Variants in EXT1 observed in about 807,000 individuals in gnomAD.
EXT1 encodes the protein exostosin glycosyltransferase 1, also known as exostosin-1.
Under a neutral mutation model 82.5 loss-of-function variants are expected in EXT1, and 20 were observed. The ratio of observed to expected loss-of-function variants is 0.24; its 90% CI spans 0.17 to 0.35. The LOEUF is 0.35. Ranked by LOEUF, EXT1 falls within the 10% of genes least tolerant of loss-of-function variation. EXT1 has a pLI of 1.00. For synonymous variants in EXT1, 348 were observed against 350.8 expected (o/e 0.99, Z 0.09); for missense variants, 757 against 936.5 (o/e 0.81, Z 2.50).
chr8:118,093,823 G>T (rs1431814099), intron 1 of EXT1, among the ~76,000 whole-genome samples: 1 of 152,206 alleles, frequency 6.6e-6, no homozygotes, highest in Non-Finnish European at 1.5e-5. Context: ...TTATCCTCAA[G>T]GATAGGCATA....
intron 1 of EXT1, among the ~76,000 whole-genome samples, chr8:117,971,725 ACG>A (rs956906971): frequency 1.3e-5 from 2 of 152,254 alleles, no homozygotes; most frequent in Non-Finnish European, 2.9e-5. Context: ...AATTGTGGTC[ACG>A]TAAATTATAG....
chr8:118,050,671 C>G (rs1218154489), intron 1 of EXT1, among the ~76,000 whole-genome samples: 2 of 152,172 alleles, frequency 1.3e-5, no homozygotes, highest in Non-Finnish European at 2.9e-5. Context: ...TATTTATGAA[C>G]ACTGACATTT....
chr8:117,959,070 CAA>C (rs1563613239), intron 1 of EXT1, among the ~76,000 whole-genome samples: 1 of 152,186 alleles, frequency 6.6e-6, no homozygotes, highest in Admixed American at 6.5e-5. Context: ...CTAGGAGGTC[CAA>C]CTCCACACTT....
intron 1 of EXT1, among the ~76,000 whole-genome samples, chr8:117,877,294 C>T (rs1812988089): frequency 6.6e-6 from 1 of 152,086 alleles, no homozygotes; most frequent in Non-Finnish European, 1.5e-5. Context: ...TAGTTGGAGC[C>T]GCCACCCCAA....
At chr8:117,949,007 C>G (rs919694670) in intron 1 of EXT1, among the ~76,000 whole-genome samples, 1 of 152,194 alleles carries the variant, frequency 6.6e-6, no homozygotes, top group Non-Finnish European at 1.5e-5. Context: ...GAAGACAACT[C>G]TATTCCAACT....
chr8:118,028,846 T>C (rs2129873638), intron 1 of EXT1, among the ~76,000 whole-genome samples: 1 of 152,126 alleles, frequency 6.6e-6, no homozygotes, highest in East Asian at 1.9e-4. Context: ...CGCTTGAACC[T>C]GGGAGGCAGA....
chr8:118,092,602 C>T (rs17477336), intron 1 of EXT1, among the ~76,000 whole-genome samples: 2,901 of 152,280 alleles, frequency 0.019, 73 homozygotes, highest in African/African-American at 0.066. Flanking sequence ...ACGATCCAAG[C>T]CTGAATGCCT....
chr8:118,111,677 A>T lies in EXT1; in HGVS notation c.-631T>A, dbSNP rs1309122025. 2 of 305,082 alleles carry T rather than the reference A, an allele frequency of 6.6e-6. No homozygotes were observed. The highest frequency in any genetic ancestry group is 2.2e-5 in the African/African-American group (1 of 45,632). The allele number at this position is 305,082 out of a possible 1,614,324, so 18.9% of individuals were successfully genotyped here. On this transcript the variant is annotated 5_prime_UTR_variant, in exon 1 of 11. Coordinates refer to ENST00000378204, the MANE Select transcript of EXT1 (RefSeq NM_000127.3). ...TGCGCTCGCGGGGCCGGCCCCCGGG[A>T]CGCGCGGCGGCCCGGCTGGAGGCGG... is the stretch of plus-strand genomic sequence containing the variant.
At chr8:118,071,439 A>G (rs537228178) in intron 1 of EXT1, among the ~76,000 whole-genome samples, 1 of 152,118 alleles carries the variant, frequency 6.6e-6, no homozygotes, top group Non-Finnish European at 1.5e-5. Context: ...TTACTGTTAA[A>G]ATCTCCATGA....
At chr8:117,978,715 A>T (rs1201598779) in intron 1 of EXT1, among the ~76,000 whole-genome samples, 1 of 152,222 alleles carries the variant, frequency 6.6e-6, no homozygotes, top group East Asian at 1.9e-4. Flanking sequence ...CTTGTTTGAA[A>T]GCAGTGATTA....
At chr8:117,968,621 G>C (rs1266927828) in intron 1 of EXT1, among the ~76,000 whole-genome samples, 5 of 58,986 alleles carry the variant, frequency 8.5e-5, no homozygotes, top group Non-Finnish European at 5.2e-5. Flanking sequence ...CCAGGCTGGA[G>C]TGCAGTGGCT....
chr8:117,868,608 G>A (rs1198389792), intron 1 of EXT1, among the ~76,000 whole-genome samples: 2 of 151,850 alleles, frequency 1.3e-5, no homozygotes, highest in Non-Finnish European at 1.5e-5. Context: ...ATGCCACCAT[G>A]CCTGGCTACT....
intron 1 of EXT1, among the ~76,000 whole-genome samples, chr8:117,887,603 G>C (rs1241295141): frequency 6.6e-6 from 1 of 151,980 alleles, no homozygotes; most frequent in East Asian, 1.9e-4. Context: ...GCCCAGCTTG[G>C]TCTCCCAAAG....
In EXT1 at chr8:117,835,497, C is replaced by A. The variant is rs1248648070; in HGVS notation, c.1111G>T (p.Val371Leu). Residue 371 changes from valine to leucine, a missense_variant, in exon 3 of 11, where the codon GTG (valine) becomes TTG (leucine). Physicochemically the swap from Val to Leu is conservative, Grantham distance 32 (BLOSUM62 1). Coordinates refer to ENST00000378204, the MANE Select transcript of EXT1 (RefSeq NM_000127.3). ...SNGWELPFSE[V>L]INWNQAAVIG... ...ACGGCAGCTTGGTTCCAATTAATCA[C>A]TTCAGAGAATGGCAACTCCCATCCA... is the stretch of plus-strand genomic sequence containing the variant. 6.2e-7 allele frequency: 1 copy of A among 1,614,146 alleles called. No individual in the cohort carries two copies. Among genetic ancestry groups the A allele is most frequent in the Non-Finnish European group, 8.5e-7 (1 of 1,180,016 alleles).
intron 1 of EXT1, among the ~76,000 whole-genome samples, chr8:117,881,757 C>T (rs1002847091): frequency 6.6e-6 from 1 of 152,216 alleles, no homozygotes; most frequent in Non-Finnish European, 1.5e-5. Flanking sequence ...GTTGGCCAAT[C>T]CTTCTTCCCT....
At chr8:117,907,994 G>A (rs533710704) in intron 1 of EXT1, among the ~76,000 whole-genome samples, 1 of 152,242 alleles carries the variant, frequency 6.6e-6, no homozygotes, top group East Asian at 1.9e-4. Context: ...AAATTAAAGG[G>A]CAATCGTAAA....
intron 1 of EXT1, among the ~76,000 whole-genome samples, chr8:118,004,217 A>G (rs1027376098): frequency 6.6e-6 from 1 of 152,220 alleles, no homozygotes; most frequent in African/African-American, 2.4e-5. Flanking sequence ...TAGAATGTCA[A>G]TTCCAAGAAG....
At chr8:118,052,842 CA>C (rs756194327) in intron 1 of EXT1, among the ~76,000 whole-genome samples, 1 of 152,194 alleles carries the variant, frequency 6.6e-6, no homozygotes, top group African/African-American at 2.4e-5. Context: ...CAAGAGCTTA[CA>C]AATAATCTGC....
chr8:118,013,741 C>T (rs553218872), intron 1 of EXT1, among the ~76,000 whole-genome samples: 54 of 152,252 alleles, frequency 3.5e-4, no homozygotes, highest in African/African-American at 1.2e-3. Context: ...AGATAAACAA[C>T]GAATTTTCTA....
Sources: allele counts gnomAD v4.1 joint callset (sites outside exome capture counted in the v4.1 genomes callset), GRCh38; gene constraint gnomAD v4.1.1; transcripts MANE v1.5; gene names NCBI Gene and HGNC (gene_info 2026-07-23, HGNC 2026-07-21).